The following PCDH11X variants were observed in gnomAD, a reference collection of about 807,000 sequenced individuals.
PCDH11X encodes the protein protocadherin-11 X-linked.
PCDH11X carries 18 observed loss-of-function variants against 53.3 expected under a neutral mutation model. The ratio of observed to expected loss-of-function variants is 0.34; its 90% confidence interval spans 0.23 to 0.50. PCDH11X has a LOEUF of 0.50. Among genes scored for constraint, PCDH11X ranks in the 20% least tolerant of loss-of-function variants. PCDH11X has a pLI of 0.98. For missense variants in PCDH11X, 570 were observed against 1,032.4 expected (o/e 0.55, Z 6.14); for synonymous variants, 279 against 393.3 (o/e 0.71, Z 3.44).
chrX:92,326,354 G>A (rs1339920022), intron 8 of PCDH11X, among the ~76,000 whole-genome samples: 1 of 105,920 alleles, frequency 9.4e-6, no homozygotes, highest in Non-Finnish European at 1.9e-5. Flanking sequence ...GCATTTTTAT[G>A]ACCTGGCATT....
intron 7 of PCDH11X, among the ~76,000 whole-genome samples, chrX:92,219,407 AC>A (rs1371079336): frequency 9.0e-6 from 1 of 111,019 alleles, no homozygotes; most frequent in African/African-American, 3.3e-5. Flanking sequence ...CCAATAACAG[AC>A]AAACAGAGAC....
intron 7 of PCDH11X, among the ~76,000 whole-genome samples, chrX:92,216,263 G>A (rs186153822): frequency 0.031 from 3,433 of 110,564 alleles, 137 homozygotes; most frequent in African/African-American, 0.11. Context: ...CGAGCTACAG[G>A]AGGAAATTCA....
intron 10 of PCDH11X, among the ~76,000 whole-genome samples, chrX:92,589,660 T>A (rs772153326): frequency 8.9e-6 from 1 of 111,770 alleles, no homozygotes; most frequent in East Asian, 2.8e-4. Flanking sequence ...TTAAAATGAA[T>A]GAAGCTGCCT....
At chrX:91,915,974 A>G (rs907190552) in intron 6 of PCDH11X, among the ~76,000 whole-genome samples, 9 of 110,090 alleles carry the variant, frequency 8.2e-5, no homozygotes, top group African/African-American at 2.6e-4. Flanking sequence ...TTAAGAAAAA[A>G]ATTATATCAA....
intron 6 of PCDH11X, among the ~76,000 whole-genome samples, chrX:91,989,590 A>G (rs937588526): frequency 9.3e-6 from 1 of 107,651 alleles, no homozygotes; most frequent in African/African-American, 3.4e-5. Context: ...AAAGAATAAG[A>G]AGAGAAAAGC....
chrX:92,146,798 A>G (rs2065273822), intron 6 of PCDH11X, among the ~76,000 whole-genome samples: 1 of 110,783 alleles, frequency 9.0e-6, no homozygotes, highest in South Asian at 3.9e-4. Context: ...CAGGAGTTCG[A>G]GACCAGCCTG....
chrX:91,974,971 C>T (rs1338724702), intron 6 of PCDH11X, among the ~76,000 whole-genome samples: 2 of 110,550 alleles, frequency 1.8e-5, no homozygotes, highest in Non-Finnish European at 3.8e-5. Context: ...AGGCTGGTCT[C>T]TCACTCCTGA....
chrX:92,021,232 G>A (rs1026823646), intron 6 of PCDH11X, among the ~76,000 whole-genome samples: 1 of 111,364 alleles, frequency 9.0e-6, no homozygotes, highest in African/African-American at 3.3e-5. Flanking sequence ...TGAGCTAAAG[G>A]AGCATTTTCT....
chrX:92,132,677 ATATATATATG>A (rs1189387340), intron 6 of PCDH11X, among the ~76,000 whole-genome samples: 2 of 79,234 alleles, frequency 2.5e-5, no homozygotes, highest in African/African-American at 1.3e-4. Flanking sequence ...ATGTATATGT[ATATATATATG>A]TATATATATA....
At chrX:91,945,178 A>C (rs1393901111) in intron 6 of PCDH11X, among the ~76,000 whole-genome samples, 1 of 104,887 alleles carries the variant, frequency 9.5e-6, no homozygotes, top group East Asian at 3.1e-4. Flanking sequence ...AGATTAAAGA[A>C]AAATATTATT....
chrX:92,289,637 G>A (rs914881856), intron 8 of PCDH11X, among the ~76,000 whole-genome samples: 4 of 111,161 alleles, frequency 3.6e-5, no homozygotes, highest in African/African-American at 1.3e-4. Context: ...AACATTGTGA[G>A]GATGTTCACA....
chrX:91,940,485 G>T (rs2061495810), intron 6 of PCDH11X, among the ~76,000 whole-genome samples: 1 of 111,310 alleles, frequency 9.0e-6, no homozygotes, highest in African/African-American at 3.3e-5. Context: ...GTGTGTGTGT[G>T]CATGGGCACA....
At chrX:91,816,257 GC>G (rs1471984428) in intron 4 of PCDH11X, among the ~76,000 whole-genome samples, 6 of 111,368 alleles carry the variant, frequency 5.4e-5, no homozygotes, top group Non-Finnish European at 1.1e-4. Flanking sequence ...TCCATACATT[GC>G]CCCAATTTGT....
chrX:91,824,865 C>G (rs1365195669), intron 4 of PCDH11X, among the ~76,000 whole-genome samples: 1 of 107,294 alleles, frequency 9.3e-6, no homozygotes, highest in East Asian at 2.9e-4. Context: ...TGTGGATGTC[C>G]TTTCTGTTTG....
At chrX:91,969,948 A>G (rs929520784) in intron 6 of PCDH11X, among the ~76,000 whole-genome samples, 1 of 110,970 alleles carries the variant, frequency 9.0e-6, no homozygotes, top group Admixed American at 9.6e-5. Flanking sequence ...ACTAAGGTTC[A>G]GCTTCCTCAT....
chrX:92,280,778 A>AAT (rs1427965443), intron 8 of PCDH11X, among the ~76,000 whole-genome samples: 6 of 109,662 alleles, frequency 5.5e-5, no homozygotes, highest in Non-Finnish European at 1.1e-4. Flanking sequence ...TAATTAATCA[A>AAT]ATATATTTTT....
chrX:92,091,208 A>G (rs2064042626), intron 6 of PCDH11X, among the ~76,000 whole-genome samples: 1 of 111,290 alleles, frequency 9.0e-6, no homozygotes, highest in Admixed American at 9.6e-5. Flanking sequence ...TCAGTTTAGA[A>G]GACTGCAGAG....
intron 10 of PCDH11X, among the ~76,000 whole-genome samples, chrX:92,480,818 C>T (rs2073487280): frequency 9.0e-6 from 1 of 111,639 alleles, no homozygotes; most frequent in Non-Finnish European, 1.9e-5. Context: ...GGGATCTGTC[C>T]TTGTTTGCAT....
At chrX:92,251,846 G>T (rs748631520) in intron 7 of PCDH11X, among the ~76,000 whole-genome samples, 1 of 110,684 alleles carries the variant, frequency 9.0e-6, no homozygotes, top group South Asian at 3.9e-4. Flanking sequence ...AGATCATACA[G>T]CTACTTGTGT....
Sources: allele counts gnomAD v4.1 joint callset (sites outside exome capture counted in the v4.1 genomes callset), GRCh38; gene constraint gnomAD v4.1.1; transcripts MANE v1.5; gene names NCBI Gene and HGNC (gene_info 2026-07-23, HGNC 2026-07-21).